TTC23L: variants seen among roughly 807,000 people sequenced by gnomAD.
TTC23L encodes tetratricopeptide repeat protein 23-like.
TTC23L carries 42 observed loss-of-function variants against 48.1 expected under a neutral mutation model. The observed-to-expected ratio is 0.87, with a 90% CI of 0.68 to 1.13. The LOEUF is 1.13. Ranked by LOEUF, TTC23L falls within the 50% of genes most tolerant of loss-of-function variation. TTC23L has a pLI of 0.00. For synonymous variants in TTC23L, 159 were observed against 157.2 expected (o/e 1.01, Z -0.09); for missense variants, 391 against 421.0 (o/e 0.93, Z 0.62).
chr5:34,846,580 T>A (rs200474049), intron 3 of TTC23L, among the ~76,000 whole-genome samples: 27,371 of 62,254 alleles, frequency 0.44, 6,476 homozygotes, highest in African/African-American at 0.61. Flanking sequence ...AAAAAAAATA[T>A]ATATATATAT....
At chr5:34,873,634 T>G (rs1761630242) in intron 8 of TTC23L, among the ~76,000 whole-genome samples, 1 of 152,180 alleles carries the variant, frequency 6.6e-6, no homozygotes, top group South Asian at 2.1e-4. Flanking sequence ...GACACTAGCC[T>G]GAAGTTGCTG....
chr5:34,857,412 G>C (rs1274651098), intron 4 of TTC23L, among the ~76,000 whole-genome samples: 1 of 152,152 alleles, frequency 6.6e-6, no homozygotes, highest in Non-Finnish European at 1.5e-5. Flanking sequence ...AGAAGCCTAA[G>C]TCATGCTTTC....
At chr5:34,849,927 G>A (rs1759525181) in intron 3 of TTC23L, among the ~76,000 whole-genome samples, 1 of 152,170 alleles carries the variant, frequency 6.6e-6, no homozygotes, top group Admixed American at 6.5e-5. Flanking sequence ...AATTGGAAGG[G>A]GCTGCTGTGG....
At chr5:34,905,796 CT>C in the TTC23L span, 1 of 151,862 alleles carries the variant, frequency 6.6e-6, no homozygotes, top group Admixed American at 6.6e-5. Flanking sequence ...TAAAGTTAAA[CT>C]TTTATTAAAG....
the TTC23L span, chr5:34,922,549 T>G: frequency 6.2e-7 from 1 of 1,607,658 alleles, no homozygotes; most frequent in Non-Finnish European, 8.5e-7. Context: ...GCTTTCAAAT[T>G]CACCTCACGG....
At chr5:34,925,510 G>A in the TTC23L span, 1 of 1,594,482 alleles carries the variant, frequency 6.3e-7, no homozygotes, top group Middle Eastern at 1.7e-4. Flanking sequence ...ATGGAAACCT[G>A]ATTTGTTTTT....
intron 4 of TTC23L, among the ~76,000 whole-genome samples, chr5:34,855,508 G>A (rs557066948): frequency 6.6e-6 from 1 of 152,230 alleles, no homozygotes; most frequent in East Asian, 1.9e-4. Context: ...GTCTACGAAC[G>A]ACAGATACAC....
chr5:34,923,737 T>C, the TTC23L span, among the ~76,000 whole-genome samples: 6 of 152,320 alleles, frequency 3.9e-5, no homozygotes, highest in Middle Eastern at 3.4e-3. Context: ...GATAAGGATA[T>C]ACAGGGTTTG....
chr5:34,862,822 C>A, intron 4 of TTC23L, 76 bp from the exon 5 acceptor site: 1 of 1,568,382 alleles, frequency 6.4e-7, no homozygotes, highest in Admixed American at 1.7e-5. Context: ...ACTTTATCCC[C>A]TCCCAGGAAT....
the TTC23L span, chr5:34,919,997 CATTTT>C: frequency 5.7e-6 from 3 of 523,604 alleles, no homozygotes; most frequent in African/African-American, 4.0e-5. Flanking sequence ...TATTCAGACA[CATTTT>C]ATTAACTCTT....
At chr5:34,848,815 TG>T (rs1561122525) in intron 3 of TTC23L, among the ~76,000 whole-genome samples, 1 of 152,144 alleles carries the variant, frequency 6.6e-6, no homozygotes, top group Non-Finnish European at 1.5e-5. Flanking sequence ...TGATTGGCAT[TG>T]GGTCAGATTA....
chr5:34,869,889 T>C (rs976205563), intron 8 of TTC23L: 1 of 152,178 alleles, frequency 6.6e-6, no homozygotes, highest in Non-Finnish European at 1.5e-5. Flanking sequence ...TAAACATCCA[T>C]TGAAGACTTC....
Position 34,852,648 on chromosome 5 carries a change from A to G in TTC23L, c.379+2340A>G, listed in dbSNP as rs576534052. Among the ~76,000 whole-genome samples the G allele has an allele frequency of 2.0e-5, 3 of 152,276 alleles. No individual in the cohort carries two copies. In the East Asian group the frequency reaches 5.8e-4, roughly 29 times the overall value. ...ACATTTAGTGCCCCATTCAGTATGGAGTGGGAAGGACAGGGAAGAATTGAA... is the reference window on the plus strand; with the variant it reads ...ACATTTAGTGCCCCATTCAGTATGGGGTGGGAAGGACAGGGAAGAATTGAA... On this transcript the variant is annotated intron_variant, in intron 4 of 10. Transcript: ENST00000505624.
intron 1 of TTC23L, 127 bp from the exon 2 acceptor site, chr5:34,840,538 C>G: frequency 1.3e-6 from 1 of 753,918 alleles, no homozygotes; most frequent in Non-Finnish European, 2.3e-6. Flanking sequence ...TATGCGTAGT[C>G]TGTGGATTTA....
intron 8 of TTC23L, among the ~76,000 whole-genome samples, chr5:34,877,822 A>G (rs1003707005): frequency 6.6e-6 from 1 of 152,198 alleles, no homozygotes; most frequent in Non-Finnish European, 1.5e-5. Flanking sequence ...ATAATGGAAG[A>G]CCTAGCTAAT....
intron 10 of TTC23L, among the ~76,000 whole-genome samples, chr5:34,898,612 G>A (rs1357159991): frequency 6.6e-6 from 1 of 152,052 alleles, no homozygotes; most frequent in Non-Finnish European, 1.5e-5. Flanking sequence ...CAGCTAATTT[G>A]GAATCTCATT....
the TTC23L span, chr5:34,918,501 A>G: frequency 1.7e-3 from 2,209 of 1,297,882 alleles, 5 homozygotes; most frequent in Middle Eastern, 2.1e-3. Context: ...ATACTTTAGA[A>G]ATTTCTATCT....
At chr5:34,875,893 T>C (rs927431041) in intron 8 of TTC23L, among the ~76,000 whole-genome samples, 1 of 152,144 alleles carries the variant, frequency 6.6e-6, no homozygotes, top group Non-Finnish European at 1.5e-5. Context: ...TTCGGGGCCA[T>C]AAAACACACC....
the TTC23L span, chr5:34,923,213 G>A: frequency 6.2e-7 from 1 of 1,613,394 alleles, no homozygotes; most frequent in Non-Finnish European, 8.5e-7. Context: ...TGGATAATAG[G>A]ATATGGTTTC....
Sources: gnomAD v4.1 joint callset for allele counts (sites outside exome capture counted in the v4.1 genomes callset) on GRCh38, gnomAD v4.1.1 for gene constraint, MANE v1.5 for transcripts, NCBI Gene and HGNC (gene_info 2026-07-23, HGNC 2026-07-21) for gene names.